ZNF578: variants seen among roughly 807,000 people sequenced by gnomAD.
ZNF578 encodes Putative chemokine-related protein B42.
A neutral mutation model predicts 8.3 loss-of-function variants in ZNF578; 8 were observed. The ratio of observed to expected loss-of-function variants is 0.96; its 90% CI spans 0.56 to 1.74. The LOEUF (loss-of-function observed/expected upper bound fraction) is 1.74. Ranked by LOEUF, ZNF578 falls within the 40% of genes most tolerant of loss-of-function variation. The probability of loss-of-function intolerance (pLI) is 0.00; values close to 1 mark genes in which losing one functional copy is unlikely to be tolerated. For synonymous variants in ZNF578, 206 were observed against 232.2 expected, an observed-to-expected ratio of 0.89 and a Z score of 1.03; for missense variants, 726 against 707.5, an observed-to-expected ratio of 1.03 and a Z score of -0.30.
chr19:52,486,778 A>T lies in ZNF578; in HGVS notation c.-121-4546A>T, dbSNP rs188221696. ...AGAACAGAGGAGGCACAGAGATGGG[A>T]GAAGAGGCAGAAATAGACAGAGATT... On this transcript the variant is annotated intron_variant, in intron 2 of 5. Transcript: ENST00000421239. Among the ~76,000 whole-genome samples the T allele has an allele frequency of 1.2e-3, 180 of 148,682 alleles. 1 individual carries two copies. The highest frequency in any genetic ancestry group is 4.4e-3 in the African/African-American group (174 of 39,464).
chr19:52,505,789 T>G (rs547694477), intron 5 of ZNF578, among the ~76,000 whole-genome samples: 1 of 152,130 alleles, frequency 6.6e-6, no homozygotes, highest in African/African-American at 2.4e-5. Context: ...GTAAGAGATA[T>G]GGTTTTCATC....
intron 2 of ZNF578, chr19:52,458,876 T>G (rs989640111): frequency 3.3e-5 from 5 of 152,214 alleles, no homozygotes; most frequent in African/African-American, 1.2e-4. Context: ...GCGTATATCA[T>G]AAGTATTTGA....
chr19:52,455,446 C>T (rs1156848909), intron 1 of ZNF578: 2 of 152,306 alleles, frequency 1.3e-5, no homozygotes, highest in African/African-American at 2.4e-5. Context: ...CCACCCACCT[C>T]GGCCTCCCAA....
intron 2 of ZNF578, among the ~76,000 whole-genome samples, chr19:52,468,408 C>T (rs1353552900): frequency 6.6e-6 from 1 of 152,064 alleles, no homozygotes; most frequent in Non-Finnish European, 1.5e-5. Flanking sequence ...TGCAATGGGA[C>T]CTATGTGTCC....
intron 3 of ZNF578, among the ~76,000 whole-genome samples, chr19:52,493,836 C>T (rs1172736929): frequency 1.3e-5 from 2 of 150,986 alleles, no homozygotes; most frequent in Non-Finnish European, 3.0e-5. Flanking sequence ...ACTAAAAATG[C>T]AAAATTAGCC....
chr19:52,513,851 C>A lies in ZNF578; in HGVS notation c.*1697C>A, dbSNP rs1189284372. ...AGCACCCTGGCTAACATGGTGAAAC[C>A]CCATCTCTACTAAAAATACAAAAGT... On this transcript the variant is annotated 3_prime_UTR_variant, in exon 6 of 6. Transcript: ENST00000421239. 1.3e-5 allele frequency among the ~76,000 whole-genome samples: 2 copies of A among 152,016 alleles called. No homozygotes were observed. The highest frequency in any genetic ancestry group is 4.8e-5 in the African/African-American group (2 of 41,382).
Position 52,514,661 on chromosome 19 carries a change from A to G in ZNF578, c.*2507A>G, listed in dbSNP as rs1454315941. On this transcript the variant is annotated 3_prime_UTR_variant, in exon 6 of 6. Transcript: ENST00000421239. ...ATAGAGCGCTGCTCCAAAAGCACCC[A>G]TGTATTCTTTTCTTTTTTGGAAATG... Among the ~76,000 whole-genome samples, 2 of 152,070 alleles carry G rather than the reference A, an allele frequency of 1.3e-5. No individual in the cohort carries two copies. Among genetic ancestry groups the G allele is most frequent in the South Asian group, 2.1e-4 (1 of 4,822 alleles).
At chr19:52,487,446 G>T (rs2059349446) in intron 2 of ZNF578, among the ~76,000 whole-genome samples, 1 of 152,090 alleles carries the variant, frequency 6.6e-6, no homozygotes, top group African/African-American at 2.4e-5. Context: ...TTTAAAATTG[G>T]TGTCTATAAG....
chr19:52,467,841 A>G (rs987036497), intron 2 of ZNF578, among the ~76,000 whole-genome samples: 1 of 152,232 alleles, frequency 6.6e-6, no homozygotes, highest in Admixed American at 6.5e-5. Flanking sequence ...AAAGGCAAAA[A>G]AAGATAGAAT....
chr19:52,510,526 A>G (rs752958163), intron 5 of ZNF578, 46 bp from the exon 6 acceptor site: 1 of 1,485,658 alleles, frequency 6.7e-7, no homozygotes, highest in South Asian at 1.5e-5. Flanking sequence ...AGTATGATTT[A>G]CCATCTGCAC....
intron 3 of ZNF578, among the ~76,000 whole-genome samples, chr19:52,500,613 C>T (rs1400687249): frequency 2.6e-5 from 4 of 152,026 alleles, no homozygotes; most frequent in African/African-American, 4.8e-5. Context: ...GACCTCTTGA[C>T]CCCAAGTGAT....
rs2059443554 is a variant in ZNF578 at position 52,511,083 on chromosome 19, T to C, written c.702T>C (p.Asn234=). The change falls in exon 6 of 6, where the codon AAT becomes AAC. Residue 234 remains asparagine (N), a synonymous_variant. Coordinates refer to ENST00000421239, the MANE Select transcript of ZNF578 (RefSeq NM_001099694.2). ...VHMREKSFQC[N]ETGEAFNCSS... ...TGAGAGAAAAATCTTTCCAATGTAA[T>C]GAGACTGGCGAAGCCTTTAATTGTA... 1 of 1,614,090 alleles carries C rather than the reference T, an allele frequency of 6.2e-7. No homozygotes were observed. The highest frequency in any genetic ancestry group is 8.5e-7 in the Non-Finnish European group (1 of 1,180,032).
chr19:52,514,050 A>T lies in ZNF578; in HGVS notation c.*1896A>T, dbSNP rs908192621. Among the ~76,000 whole-genome samples the T allele has an allele frequency of 1.3e-5, 2 of 152,054 alleles. No homozygotes were observed. Among genetic ancestry groups the T allele is most frequent in the African/African-American group, 4.8e-5 (2 of 41,400 alleles). ...AAACAAACAAATGAAAAAAACAGACATCAAAAATGCTTTTGTTCTCGTTGT... is the reference window on the plus strand; with the variant it reads ...AAACAAACAAATGAAAAAAACAGACTTCAAAAATGCTTTTGTTCTCGTTGT... On this transcript the variant is annotated 3_prime_UTR_variant, in exon 6 of 6. Transcript: ENST00000421239.
chr19:52,469,440 G>C (rs1268232602), intron 2 of ZNF578, among the ~76,000 whole-genome samples: 1 of 152,008 alleles, frequency 6.6e-6, no homozygotes, highest in Non-Finnish European at 1.5e-5. Context: ...GAATACAGGT[G>C]TGAGCCACTG....
intron 3 of ZNF578, among the ~76,000 whole-genome samples, chr19:52,494,985 C>A (rs1164133342): frequency 6.6e-6 from 1 of 150,934 alleles, no homozygotes; most frequent in Non-Finnish European, 1.5e-5. Context: ...GTGTGAGACA[C>A]CAAGCCCAGC....
At chr19:52,497,110 T>A (rs1485673601) in intron 3 of ZNF578, among the ~76,000 whole-genome samples, 1 of 151,570 alleles carries the variant, frequency 6.6e-6, no homozygotes, top group Non-Finnish European at 1.5e-5. Flanking sequence ...TGTTTAGATA[T>A]ATATATTTAT....
At chr19:52,486,155 T>A (rs1369096126) in intron 2 of ZNF578, among the ~76,000 whole-genome samples, 1 of 152,234 alleles carries the variant, frequency 6.6e-6, no homozygotes, top group Non-Finnish European at 1.5e-5. Context: ...TACTGCTCTT[T>A]AAGGCATTGA....
intron 5 of ZNF578, among the ~76,000 whole-genome samples, chr19:52,508,620 A>C (rs2059433563): frequency 6.6e-6 from 1 of 151,534 alleles, no homozygotes; most frequent in Admixed American, 6.6e-5. Context: ...CAACAGGAGA[A>C]ACCCCATCTC....
chr19:52,480,546 G>A (rs2059322287), intron 2 of ZNF578, among the ~76,000 whole-genome samples: 1 of 151,586 alleles, frequency 6.6e-6, no homozygotes, highest in South Asian at 2.1e-4. Flanking sequence ...GTCTGACAAT[G>A]TTGTGCTGGA....
Sources: gnomAD v4.1 joint callset for allele counts (sites outside exome capture counted in the v4.1 genomes callset) on GRCh38, gnomAD v4.1.1 for gene constraint, MANE v1.5 for transcripts, NCBI Gene and HGNC (gene_info 2026-07-23, HGNC 2026-07-21) for gene names.